Variants in GPHN observed in about 807,000 individuals in gnomAD.
GPHN encodes gephyrin.
GPHN carries 17 observed loss-of-function variants against 95.5 expected under a neutral mutation model. That is an observed-to-expected ratio of 0.18 (90% CI 0.12 to 0.27). The LOEUF is 0.27. Among genes scored for constraint, GPHN ranks in the 10% least tolerant of loss-of-function variants. GPHN has a pLI of 1.00. For missense variants in GPHN, 660 were observed against 978.1 expected (o/e 0.67, Z 4.34); for synonymous variants, 320 against 322.5 (o/e 0.99, Z 0.08).
At chr14:67,564,289 G>A in the GPHN span, among the ~76,000 whole-genome samples, 1,924 of 152,162 alleles carry the variant, frequency 0.013, 81 homozygotes, top group Admixed American at 0.073. Context: ...AGGCAACTGC[G>A]CCAGGCCAGC....
the GPHN span, among the ~76,000 whole-genome samples, chr14:67,458,412 C>T: frequency 6.6e-6 from 1 of 152,144 alleles, no homozygotes; most frequent in Non-Finnish European, 1.5e-5. Context: ...CGCAGCGTGC[C>T]GGGTGCTCGG....
At chr14:66,735,799 T>G (rs1041400558) in intron 2 of GPHN, among the ~76,000 whole-genome samples, 3 of 152,142 alleles carry the variant, frequency 2.0e-5, no homozygotes, top group Non-Finnish European at 2.9e-5. Context: ...AAATTTATGT[T>G]TATGATAAGT....
chr14:66,622,418 C>T (rs745477958), intron 1 of GPHN, among the ~76,000 whole-genome samples: 2 of 152,142 alleles, frequency 1.3e-5, no homozygotes, highest in Middle Eastern at 3.2e-3. Flanking sequence ...GAGACATTTT[C>T]CCCATTGTCT....
the GPHN span, among the ~76,000 whole-genome samples, chr14:67,299,835 C>T: frequency 6.6e-6 from 1 of 152,156 alleles, no homozygotes. Flanking sequence ...ATTGAGCTGA[C>T]TCAGTGTATT....
At chr14:67,521,317 A>T in the GPHN span, among the ~76,000 whole-genome samples, 1 of 152,222 alleles carries the variant, frequency 6.6e-6, no homozygotes, top group African/African-American at 2.4e-5. Flanking sequence ...AAGCAAATGC[A>T]AAAGTTTACT....
chr14:67,055,501 T>G (rs934992060), intron 10 of GPHN, among the ~76,000 whole-genome samples: 3 of 152,200 alleles, frequency 2.0e-5, no homozygotes, highest in Non-Finnish European at 4.4e-5. Flanking sequence ...TGGTGATTCC[T>G]CAAAGACCTA....
intron 17 of GPHN, among the ~76,000 whole-genome samples, chr14:67,129,529 A>G (rs1310165965): frequency 6.6e-6 from 1 of 152,186 alleles, no homozygotes; most frequent in East Asian, 1.9e-4. Context: ...TTCTCATACT[A>G]TTTTGCAATT....
At chr14:67,392,581 C>T in the GPHN span, 1 of 1,355,852 alleles carries the variant, frequency 7.4e-7, no homozygotes, top group Non-Finnish European at 1.0e-6. Context: ...CCTCCCATGA[C>T]TGTGGCCCCC....
intron 17 of GPHN, among the ~76,000 whole-genome samples, chr14:67,142,395 G>A (rs1171443140): frequency 2.0e-5 from 3 of 152,030 alleles, no homozygotes; most frequent in Admixed American, 6.6e-5. Context: ...ATTCTCACTT[G>A]ATCAGTCTCA....
the GPHN span, among the ~76,000 whole-genome samples, chr14:67,260,521 G>A: frequency 6.6e-6 from 1 of 152,204 alleles, no homozygotes; most frequent in Non-Finnish European, 1.5e-5. Flanking sequence ...GACAATAAAT[G>A]CTACAGCAAA....
At chr14:66,745,787 TA>T (rs1309636206) in intron 2 of GPHN, among the ~76,000 whole-genome samples, 2 of 152,018 alleles carry the variant, frequency 1.3e-5, no homozygotes, top group African/African-American at 4.8e-5. Context: ...ATTGAATTTT[TA>T]TTTTTTTAAA....
intron 10 of GPHN, among the ~76,000 whole-genome samples, chr14:67,055,720 C>T (rs1174325511): frequency 6.6e-6 from 1 of 152,208 alleles, no homozygotes; most frequent in Non-Finnish European, 1.5e-5. Flanking sequence ...TTGGTGAGTT[C>T]TTGGTCTCGC....
chr14:67,167,849 A>C (rs2140040206), intron 20 of GPHN, among the ~76,000 whole-genome samples: 1 of 152,344 alleles, frequency 6.6e-6, no homozygotes, highest in South Asian at 2.1e-4. Context: ...AAGATCAGAC[A>C]GCTTGGTTAG....
At chr14:67,378,715 C>G in the GPHN span, among the ~76,000 whole-genome samples, 1 of 152,222 alleles carries the variant, frequency 6.6e-6, no homozygotes, top group Non-Finnish European at 1.5e-5. Flanking sequence ...GTGTGTTATT[C>G]CCTTTTCCTT....
the GPHN span, among the ~76,000 whole-genome samples, chr14:67,326,382 A>T: frequency 6.6e-6 from 1 of 151,600 alleles, no homozygotes; most frequent in Non-Finnish European, 1.5e-5. Context: ...TAGCTTATAC[A>T]TATTTTTAAA....
the GPHN span, among the ~76,000 whole-genome samples, chr14:67,486,108 G>A: frequency 2.0e-5 from 3 of 152,188 alleles, no homozygotes; most frequent in African/African-American, 4.8e-5. Flanking sequence ...CTTCACTCAC[G>A]CCAGACAATC....
chr14:67,624,946 A>ATGGTT, the GPHN span, among the ~76,000 whole-genome samples: 1 of 152,194 alleles, frequency 6.6e-6, no homozygotes, highest in Non-Finnish European at 1.5e-5. Flanking sequence ...ATAGCCTGCA[A>ATGGTT]TCACAGTGAA....
At chr14:66,701,584 G>T (rs7157718) in intron 2 of GPHN, among the ~76,000 whole-genome samples, 10,596 of 152,208 alleles carry the variant, frequency 0.07, 901 homozygotes, top group African/African-American at 0.2. Context: ...CCCCTACCCC[G>T]CAGCCAAGGG....
intron 10 of GPHN, among the ~76,000 whole-genome samples, chr14:67,053,399 G>T (rs931020240): frequency 6.6e-6 from 1 of 151,814 alleles, no homozygotes; most frequent in South Asian, 2.1e-4. Flanking sequence ...ACACACCCTC[G>T]CAAGACAGAA....
Sources: allele counts gnomAD v4.1 joint callset (sites outside exome capture counted in the v4.1 genomes callset), GRCh38; gene constraint gnomAD v4.1.1; transcripts MANE v1.5; gene names NCBI Gene and HGNC (gene_info 2026-07-23, HGNC 2026-07-21).